The following NRG1 variants were observed in gnomAD, a reference collection of about 807,000 sequenced individuals.
The protein encoded by NRG1 is pro-neuregulin-1, membrane-bound isoform.
Under a neutral mutation model 63.8 loss-of-function variants are expected in NRG1, and 18 were observed. The observed-to-expected ratio is 0.28, with a 90% CI of 0.19 to 0.42. The LOEUF is 0.42. NRG1 is among the 10% of genes least tolerant of loss of function. The probability of loss-of-function intolerance (pLI) is 1.00; values close to 1 mark genes in which losing one functional copy is unlikely to be tolerated. For synonymous variants in NRG1, 302 were observed against 301.3 expected (o/e 1.00, Z -0.02); for missense variants, 762 against 814.7 (o/e 0.94, Z 0.79).
intron 1 of NRG1, among the ~76,000 whole-genome samples, chr8:32,016,998 T>G (rs765022311): frequency 2.0e-4 from 30 of 152,210 alleles, no homozygotes; most frequent in Non-Finnish European, 4.4e-4. Flanking sequence ...ACAAATACTA[T>G]TTCTAGGATT....
At chr8:32,508,196 AG>A (rs1828761218) in intron 1 of NRG1, among the ~76,000 whole-genome samples, 1 of 152,220 alleles carries the variant, frequency 6.6e-6, no homozygotes, top group African/African-American at 2.4e-5. Flanking sequence ...CCTTAAGCCC[AG>A]GAGTTTGAGG....
chr8:32,635,724 T>C (rs370573358), intron 5 of NRG1, among the ~76,000 whole-genome samples: 4 of 152,226 alleles, frequency 2.6e-5, no homozygotes, highest in African/African-American at 9.7e-5. Flanking sequence ...TGCTATTCTT[T>C]TGCATTGCCA....
At chr8:32,616,624 A>C (rs1847413570) in intron 4 of NRG1, among the ~76,000 whole-genome samples, 1 of 152,046 alleles carries the variant, frequency 6.6e-6, no homozygotes, top group South Asian at 2.1e-4. Flanking sequence ...CTCCATTTTC[A>C]TCCCTTTTAA....
At chr8:32,225,695 T>A (rs1846249850) in intron 1 of NRG1, among the ~76,000 whole-genome samples, 1 of 152,118 alleles carries the variant, frequency 6.6e-6, no homozygotes, top group Admixed American at 6.5e-5. Flanking sequence ...AAATAAAACA[T>A]CTTCCGTAAT....
At chr8:31,653,277 A>T (rs1805085387) in intron 1 of NRG1, among the ~76,000 whole-genome samples, 1 of 152,068 alleles carries the variant, frequency 6.6e-6, no homozygotes, top group Non-Finnish European at 1.5e-5. Context: ...ACTATGTCTT[A>T]CTTATCTTTG....
At chr8:31,680,518 A>G (rs1222664621) in intron 1 of NRG1, among the ~76,000 whole-genome samples, 2 of 151,236 alleles carry the variant, frequency 1.3e-5, no homozygotes, top group Admixed American at 1.3e-4. Context: ...TATGTGCCAC[A>G]TTTTCTTAAT....
In NRG1 at chr8:31,640,826, A is replaced by G. The variant is rs903524084; in HGVS notation, c.37+1395A>G. On this transcript the variant is annotated intron_variant, in intron 1 of 10. Transcript: ENST00000519301. The surrounding 1 kb of genome is among the most constrained non-coding windows in gnomAD (Gnocchi z 6.3). Reference sequence around the variant, plus strand: ...CTCGACGGCCGCCCGAGCAAGGCAGAGGCGCTCTGGGTCCCAGTTGTTGGT... The same window carrying G: ...CTCGACGGCCGCCCGAGCAAGGCAGGGGCGCTCTGGGTCCCAGTTGTTGGT... The G allele has an allele frequency of 7.1e-7, 1 of 1,414,490 alleles. No individual in the cohort carries two copies. Among genetic ancestry groups the G allele is most frequent in the Non-Finnish European group, 9.2e-7 (1 of 1,086,584 alleles). The allele number at this position is 1,414,490 out of a possible 1,614,324, so 87.6% of individuals were successfully genotyped here. A position where few individuals can be genotyped will look rare whatever the true frequency, so the allele number is the denominator to read the frequency against.
At chr8:31,646,676 A>C (rs565283902) in intron 1 of NRG1, among the ~76,000 whole-genome samples, 2 of 152,350 alleles carry the variant, frequency 1.3e-5, no homozygotes, top group Admixed American at 1.3e-4. Context: ...ATAGAGTTTG[A>C]TTTTTATGTG....
At chr8:32,133,551 G>A (rs956563405) in intron 1 of NRG1, among the ~76,000 whole-genome samples, 4 of 152,084 alleles carry the variant, frequency 2.6e-5, no homozygotes, top group African/African-American at 9.7e-5. Context: ...TTTCTTCCAA[G>A]AAATATTTTC....
intron 1 of NRG1, among the ~76,000 whole-genome samples, chr8:31,962,949 T>A (rs1047427885): frequency 6.6e-6 from 1 of 152,206 alleles, no homozygotes; most frequent in Non-Finnish European, 1.5e-5. Flanking sequence ...AAAAGAGACA[T>A]AAGTAGAAGT....
At chr8:32,069,923 AAGGATGCAGAAAT>A (rs1009905662) in intron 1 of NRG1, among the ~76,000 whole-genome samples, 2 of 152,162 alleles carry the variant, frequency 1.3e-5, no homozygotes, top group Non-Finnish European at 2.9e-5. Context: ...TTTCTCAACA[AAGGATGCAGAAAT>A]AGGAATGTAA....
chr8:32,019,687 T>A (rs1816132409), intron 1 of NRG1, among the ~76,000 whole-genome samples: 1 of 152,230 alleles, frequency 6.6e-6, no homozygotes, highest in Non-Finnish European at 1.5e-5. Flanking sequence ...TGTATCCACC[T>A]GGTATTTACT....
intron 1 of NRG1, among the ~76,000 whole-genome samples, chr8:31,665,113 A>G (rs911625295): frequency 3.9e-5 from 6 of 152,130 alleles, no homozygotes; most frequent in Non-Finnish European, 8.8e-5. Flanking sequence ...AGACATGAAT[A>G]TGGGGTGCTG....
intron 1 of NRG1, among the ~76,000 whole-genome samples, chr8:32,194,516 T>C (rs1328941005): frequency 6.6e-6 from 1 of 152,100 alleles, no homozygotes; most frequent in Non-Finnish European, 1.5e-5. Context: ...CATGTACTAT[T>C]AGCAGAAGCA....
chr8:31,861,248 T>G (rs2129610429), intron 1 of NRG1, among the ~76,000 whole-genome samples: 1 of 152,138 alleles, frequency 6.6e-6, no homozygotes. Flanking sequence ...CAATACTGAG[T>G]AGATTATGGT....
intron 1 of NRG1, among the ~76,000 whole-genome samples, chr8:31,817,869 C>T (rs1823608299): frequency 1.3e-5 from 2 of 152,136 alleles, no homozygotes; most frequent in Non-Finnish European, 2.9e-5. Flanking sequence ...TGAATTATAC[C>T]TCTTATTTTT....
chr8:32,521,563 C>A (rs1305200307), intron 1 of NRG1, among the ~76,000 whole-genome samples: 1 of 152,014 alleles, frequency 6.6e-6, no homozygotes, highest in African/African-American at 2.4e-5. Flanking sequence ...AAGAATAAAA[C>A]TCAAAGACAG....
intron 1 of NRG1, among the ~76,000 whole-genome samples, chr8:32,584,373 G>A (rs776851377): frequency 1.3e-5 from 2 of 152,156 alleles, no homozygotes; most frequent in African/African-American, 2.4e-5. Context: ...TCAATCGTTA[G>A]GTTGTCCATG....
At chr8:32,191,058 A>G (rs1332869027) in intron 1 of NRG1, among the ~76,000 whole-genome samples, 1 of 152,072 alleles carries the variant, frequency 6.6e-6, no homozygotes. Context: ...TCTTGAAACA[A>G]TTGCCTGGAA....
Sources: gnomAD v4.1 joint callset for allele counts (sites outside exome capture counted in the v4.1 genomes callset) on GRCh38, gnomAD v4.1.1 for gene constraint, Gnocchi (gnomAD v3.1) non-coding constraint, MANE v1.5 for transcripts, NCBI Gene and HGNC (gene_info 2026-07-23, HGNC 2026-07-21) for gene names.